The following CSMD3 variants were observed in gnomAD, a reference collection of about 807,000 sequenced individuals.
CSMD3 encodes the protein CUB and Sushi multiple domains 3, also known as CUB and sushi domain-containing protein 3.
CSMD3 carries 177 observed loss-of-function variants against 435.2 expected under a neutral mutation model. That is an observed-to-expected ratio of 0.41 (90% CI 0.36 to 0.46). The LOEUF (loss-of-function observed/expected upper bound fraction) is 0.46. CSMD3 is among the 20% of genes least tolerant of loss of function. CSMD3 has a pLI of 0.34. For missense variants in CSMD3, 4,265 were observed against 4,504.6 expected, an observed-to-expected ratio of 0.95 and a Z score of 1.52; for synonymous variants, 1,656 against 1,520.5, an observed-to-expected ratio of 1.09 and a Z score of -2.07.
chr8:112,598,159 C>A (rs796914549), intron 22 of CSMD3, among the ~76,000 whole-genome samples: 60,672 of 119,266 alleles, frequency 0.51, 16,426 homozygotes, highest in African/African-American at 0.61. Flanking sequence ...TGATAAGCAA[C>A]TTCAGCAAAG....
At chr8:112,572,639 C>G (rs1345423796) in intron 24 of CSMD3, among the ~76,000 whole-genome samples, 1 of 152,024 alleles carries the variant, frequency 6.6e-6, no homozygotes, top group Non-Finnish European at 1.5e-5. Context: ...ATAAAGATTT[C>G]TGAGTATTGC....
chr8:112,632,250 G>T (rs1342478492), intron 22 of CSMD3, among the ~76,000 whole-genome samples: 2 of 151,920 alleles, frequency 1.3e-5, no homozygotes, highest in Non-Finnish European at 2.9e-5. Flanking sequence ...TTTAAACTAA[G>T]AAATAAATAA....
chr8:113,409,375 G>A (rs1472883566), intron 1 of CSMD3, among the ~76,000 whole-genome samples: 4 of 151,820 alleles, frequency 2.6e-5, no homozygotes, highest in African/African-American at 7.3e-5. Flanking sequence ...GAGCCACCGC[G>A]CCCGGCCAAT....
chr8:113,183,469 T>A (rs1471986981), intron 3 of CSMD3, among the ~76,000 whole-genome samples: 1 of 152,016 alleles, frequency 6.6e-6, no homozygotes. Context: ...GGAGCTACCT[T>A]GAGGTGATCT....
intron 2 of CSMD3, among the ~76,000 whole-genome samples, chr8:113,279,221 C>A (rs1363487083): frequency 6.7e-6 from 1 of 148,492 alleles, no homozygotes; most frequent in Admixed American, 6.8e-5. Context: ...TATGAAATTA[C>A]ATCCTTACAT....
intron 47 of CSMD3, 51 bp from the exon 48 acceptor site, chr8:112,314,668 G>T: frequency 7.8e-7 from 1 of 1,284,234 alleles, no homozygotes. Flanking sequence ...GAGCCTCAGT[G>T]AAAACTGTAT....
intron 27 of CSMD3, among the ~76,000 whole-genome samples, chr8:112,547,593 C>T (rs1393682353): frequency 1.3e-5 from 2 of 151,970 alleles, no homozygotes; most frequent in Non-Finnish European, 1.5e-5. Context: ...CAATGAATTG[C>T]TACGCCTTTT....
intron 10 of CSMD3, among the ~76,000 whole-genome samples, chr8:112,885,431 G>C (rs1339738472): frequency 6.6e-6 from 1 of 151,294 alleles, no homozygotes. Context: ...ATGAACTAAT[G>C]CCAATCACAA....
At chr8:112,994,746 G>A (rs2131035929) in intron 6 of CSMD3, among the ~76,000 whole-genome samples, 1 of 151,576 alleles carries the variant, frequency 6.6e-6, no homozygotes, top group South Asian at 2.1e-4. Context: ...TTATAGTACA[G>A]ACCAGTGTAG....
rs369197120 is a variant in CSMD3 at position 113,024,041 on chromosome 8, A to G, written c.918-4862T>C. Among the ~76,000 whole-genome samples, 17 of 152,236 alleles carry G rather than the reference A, an allele frequency of 1.1e-4. No homozygotes were observed. The East Asian group carries it at 2.9e-3, about 26-fold the overall frequency. On this transcript the variant is annotated intron_variant, in intron 5 of 70. Coordinates refer to ENST00000297405, the MANE Select transcript of CSMD3 (RefSeq NM_198123.2). Reference sequence around the variant, plus strand: ...ACTTATTCTGCCTTTCTAGCTATAAATTTATACCCATTGACCAACCTCTCC... The same window carrying G: ...ACTTATTCTGCCTTTCTAGCTATAAGTTTATACCCATTGACCAACCTCTCC...
At chr8:113,018,107 A>G (rs537585203) in intron 6 of CSMD3, among the ~76,000 whole-genome samples, 1 of 152,184 alleles carries the variant, frequency 6.6e-6, no homozygotes, top group East Asian at 1.9e-4. Flanking sequence ...TTACAGTGAT[A>G]CTCAGTGCAC....
chr8:112,814,554 G>A (rs1051963621), intron 12 of CSMD3, among the ~76,000 whole-genome samples: 3 of 152,102 alleles, frequency 2.0e-5, no homozygotes, highest in Admixed American at 1.3e-4. Flanking sequence ...AGACCGAGGT[G>A]AGTGGATCAC....
Position 113,067,446 on chromosome 8 carries a change from G to C in CSMD3, c.917+31310C>G, listed in dbSNP as rs558263186. 1.3e-5 allele frequency among the ~76,000 whole-genome samples: 2 copies of C among 152,196 alleles called. 1 individual carries two copies. The highest frequency in any genetic ancestry group is 4.1e-4 in the South Asian group (2 of 4,826). On this transcript the variant is annotated intron_variant, in intron 5 of 70. Coordinates refer to ENST00000297405, the MANE Select transcript of CSMD3 (RefSeq NM_198123.2). ...AGATATTTAGGATCCATTCATGAATGCCTCAGTCCTTAAGCTTTGTGAAGT... is the reference window on the plus strand; with the variant it reads ...AGATATTTAGGATCCATTCATGAATCCCTCAGTCCTTAAGCTTTGTGAAGT...
chr8:112,526,974 C>T (rs775549437), intron 27 of CSMD3, among the ~76,000 whole-genome samples: 3 of 151,750 alleles, frequency 2.0e-5, no homozygotes, highest in African/African-American at 7.3e-5. Context: ...CAAATGCTTT[C>T]TTTCCTCCCA....
intron 1 of CSMD3, among the ~76,000 whole-genome samples, chr8:113,404,073 C>A (rs1258808203): frequency 6.6e-6 from 1 of 151,282 alleles, no homozygotes; most frequent in Non-Finnish European, 1.5e-5. Context: ...TCTGTAGAAT[C>A]TCTACAGCGA....
intron 22 of CSMD3, among the ~76,000 whole-genome samples, chr8:112,635,989 A>G (rs966494852): frequency 2.0e-5 from 3 of 152,146 alleles, no homozygotes; most frequent in Admixed American, 6.5e-5. Context: ...ATAATTTTCA[A>G]TAGCTTTATA....
chr8:113,403,120 T>A (rs1445175039), intron 1 of CSMD3, among the ~76,000 whole-genome samples: 1 of 151,280 alleles, frequency 6.6e-6, no homozygotes, highest in South Asian at 2.1e-4. Flanking sequence ...ATTTAATAAA[T>A]CCACAGCTGT....
chr8:112,541,075 G>T (rs1285663469), intron 27 of CSMD3, among the ~76,000 whole-genome samples: 1 of 151,554 alleles, frequency 6.6e-6, no homozygotes, highest in East Asian at 1.9e-4. Flanking sequence ...AAGAGAAATA[G>T]AAAACACCTC....
chr8:112,868,789 T>C (rs1222219979), intron 10 of CSMD3, among the ~76,000 whole-genome samples: 3 of 152,130 alleles, frequency 2.0e-5, no homozygotes, highest in Non-Finnish European at 4.4e-5. Flanking sequence ...ACAAGTGGTG[T>C]TGAGAAAATT....
Sources: gnomAD v4.1 joint callset for allele counts (sites outside exome capture counted in the v4.1 genomes callset) on GRCh38, gnomAD v4.1.1 for gene constraint, MANE v1.5 for transcripts, NCBI Gene and HGNC (gene_info 2026-07-23, HGNC 2026-07-21) for gene names.